Variants in KIAA1217 observed in about 807,000 individuals in gnomAD.
KIAA1217 encodes KIAA1217.
In KIAA1217, 88 loss-of-function variants were observed where a neutral mutation model predicts 163.9. The ratio of observed to expected loss-of-function variants is 0.54; its 90% CI spans 0.45 to 0.64. KIAA1217 has a LOEUF of 0.64. KIAA1217 is among the 30% of genes least tolerant of loss of function. KIAA1217 has a pLI of 0.00. For synonymous variants in KIAA1217, 903 were observed against 923.1 expected (o/e 0.98, Z 0.39); for missense variants, 2,372 against 2,475.0 (o/e 0.96, Z 0.88).
chr10:24,544,011 C>T lies in KIAA1217; in HGVS notation c.4741C>T (p.Gln1581Ter). Residue 1581 changes from glutamine (Q) to a stop codon, truncating the protein, a stop_gained, in exon 19 of 21, where the codon CAA (glutamine) becomes TAA (stop). Transcript: ENST00000376454. LOFTEE classifies it high-confidence loss of function. ...KKFKFKFPKK[Q>*]LAALTQAIRT... ...GTTTAAATTCAAATTCCCTAAGAAG[C>T]AACTCGCCGCTCTCACTCAAGCCAT... is the stretch of plus-strand genomic sequence containing the variant. 1.9e-6 allele frequency: 3 copies of T among 1,614,120 alleles called. No individual in the cohort carries two copies. The highest frequency in any genetic ancestry group is 2.5e-6 in the Non-Finnish European group (3 of 1,180,028).
chr10:24,051,328 C>G (rs1849490037), intron 2 of KIAA1217, among the ~76,000 whole-genome samples: 2 of 152,096 alleles, frequency 1.3e-5, no homozygotes, highest in Admixed American at 6.5e-5. Context: ...TAGGCTGGTT[C>G]CACATTTTTG....
At chr10:24,453,134 T>C (rs2132345641) in intron 5 of KIAA1217, among the ~76,000 whole-genome samples, 1 of 152,330 alleles carries the variant, frequency 6.6e-6, no homozygotes, top group East Asian at 1.9e-4. Flanking sequence ...GGATCTCAAG[T>C]CACCGTTCCC....
chr10:24,504,101 G>A (rs1291319771), intron 9 of KIAA1217, among the ~76,000 whole-genome samples: 1 of 152,188 alleles, frequency 6.6e-6, no homozygotes, highest in Non-Finnish European at 1.5e-5. Flanking sequence ...GGCCGGCTGG[G>A]AGGGATCTCT....
At chr10:24,452,962 A>G (rs1424053743) in intron 5 of KIAA1217, among the ~76,000 whole-genome samples, 1 of 152,212 alleles carries the variant, frequency 6.6e-6, no homozygotes, top group African/African-American at 2.4e-5. Flanking sequence ...AGAAAGAAAG[A>G]GGCCTGACTT....
chr10:23,818,092 C>CAT, intron 1 of KIAA1217, among the ~76,000 whole-genome samples: 1 of 118,114 alleles, frequency 8.5e-6, no homozygotes, highest in African/African-American at 3.6e-5. Context: ...TATAGATATA[C>CAT]ATACACACAC....
intron 2 of KIAA1217, among the ~76,000 whole-genome samples, chr10:24,151,299 T>C (rs756378933): frequency 6.6e-6 from 1 of 151,842 alleles, no homozygotes; most frequent in Non-Finnish European, 1.5e-5. Flanking sequence ...TCATTGAATC[T>C]TTATTTTAAA....
intron 2 of KIAA1217, among the ~76,000 whole-genome samples, chr10:24,107,685 T>A (rs1164175768): frequency 6.6e-6 from 1 of 152,178 alleles, no homozygotes; most frequent in African/African-American, 2.4e-5. Flanking sequence ...TATGTCTTCT[T>A]TTGAGAACAT....
At chr10:23,759,009 T>G (rs1698836644) in intron 1 of KIAA1217, among the ~76,000 whole-genome samples, 1 of 152,112 alleles carries the variant, frequency 6.6e-6, no homozygotes, top group African/African-American at 2.4e-5. Context: ...GTAGATTGCT[T>G]TGGGTAGTAT....
At chr10:24,436,478 G>T (rs1190428626) in intron 4 of KIAA1217, among the ~76,000 whole-genome samples, 1 of 135,362 alleles carries the variant, frequency 7.4e-6, no homozygotes, top group Non-Finnish European at 1.6e-5. Flanking sequence ...AAAAAAAAAG[G>T]CTGGGCGCTG....
intron 2 of KIAA1217, among the ~76,000 whole-genome samples, chr10:24,154,137 T>A (rs2064763341): frequency 1.3e-5 from 2 of 151,656 alleles, no homozygotes; most frequent in South Asian, 4.2e-4. Flanking sequence ...TTTTGTATTT[T>A]TAGTAGAGAC....
At chr10:24,060,124 G>A (rs533245203) in intron 2 of KIAA1217, among the ~76,000 whole-genome samples, 29 of 151,578 alleles carry the variant, frequency 1.9e-4, no homozygotes, top group Admixed American at 7.2e-4. Flanking sequence ...CTTTTGCTTC[G>A]AAAACTAATT....
chr10:24,354,302 GGCCACCTAGTGA>G (rs1402828731), intron 2 of KIAA1217, among the ~76,000 whole-genome samples: 1 of 152,168 alleles, frequency 6.6e-6, no homozygotes, highest in East Asian at 1.9e-4. Context: ...TAGTCTATCT[GGCCACCTAGTGA>G]GCACTCAAAC....
intron 1 of KIAA1217, among the ~76,000 whole-genome samples, chr10:23,991,745 G>A (rs1352281985): frequency 6.6e-6 from 1 of 152,136 alleles, no homozygotes; most frequent in Non-Finnish European, 1.5e-5. Flanking sequence ...ACAGGGAATG[G>A]CATTCTAGGG....
At chr10:23,843,715 CAGGGT>C (rs1838893952) in intron 1 of KIAA1217, among the ~76,000 whole-genome samples, 2 of 152,146 alleles carry the variant, frequency 1.3e-5, no homozygotes, top group Admixed American at 1.3e-4. Context: ...TCTGTATAGG[CAGGGT>C]GATAATGGTT....
chr10:24,183,194 G>C (rs191202861), intron 2 of KIAA1217, among the ~76,000 whole-genome samples: 8 of 152,284 alleles, frequency 5.3e-5, no homozygotes, highest in Non-Finnish European at 4.4e-5. Flanking sequence ...GGAAGTCAAG[G>C]TGATACCCTT....
chr10:24,432,571 A>G (rs958241278), intron 3 of KIAA1217, among the ~76,000 whole-genome samples: 1 of 148,440 alleles, frequency 6.7e-6, no homozygotes, highest in Non-Finnish European at 1.5e-5. Context: ...TCTTCCCACC[A>G]CAGCCTCCTG....
intron 1 of KIAA1217, among the ~76,000 whole-genome samples, chr10:23,895,446 C>A (rs1216645721): frequency 6.6e-6 from 1 of 152,088 alleles, no homozygotes; most frequent in East Asian, 1.9e-4. Flanking sequence ...CAATGAGATA[C>A]CATCTCACAC....
chr10:23,878,239 C>T (rs920306312), intron 1 of KIAA1217, among the ~76,000 whole-genome samples: 1 of 151,810 alleles, frequency 6.6e-6, no homozygotes, highest in Non-Finnish European at 1.5e-5. Context: ...TGGAGGCATA[C>T]TTCTGCACCA....
intron 1 of KIAA1217, among the ~76,000 whole-genome samples, chr10:23,787,185 T>C (rs1835530670): frequency 6.6e-6 from 1 of 152,180 alleles, no homozygotes; most frequent in South Asian, 2.1e-4. Context: ...TTCCAAATGT[T>C]CACCAATCAC....
Sources: gnomAD v4.1 joint callset for allele counts (sites outside exome capture counted in the v4.1 genomes callset) on GRCh38, gnomAD v4.1.1 for gene constraint, MANE v1.5 for transcripts, NCBI Gene and HGNC (gene_info 2026-07-23, HGNC 2026-07-21) for gene names.